PCDH11Y: variants seen among roughly 807,000 people sequenced by gnomAD.
The protein encoded by PCDH11Y is protocadherin 11 Y-linked, also known as protocadherin-11 Y-linked.
For missense variants in PCDH11Y, 12 were observed against 224.8 expected (o/e 0.05, Z 6.05); for synonymous variants, 9 against 83.6 (o/e 0.11, Z 4.87).
chrY:5,354,966 T>G, intron 2 of PCDH11Y, among the ~76,000 whole-genome samples: 2 of 32,385 alleles, frequency 6.2e-5, no homozygotes, highest in Non-Finnish European at 1.5e-4. Flanking sequence ...TAAAAAAAAT[T>G]TATTATTGAG....
chrY:5,409,768 A>G, intron 2 of PCDH11Y, among the ~76,000 whole-genome samples: 1 of 33,145 alleles, frequency 3.0e-5, no homozygotes, highest in African/African-American at 1.2e-4. Context: ...AATCTGTATG[A>G]ATTTTGTTTC....
intron 1 of PCDH11Y, among the ~76,000 whole-genome samples, chrY:5,015,827 T>A: frequency 1.9e-4 from 6 of 31,333 alleles, no homozygotes; most frequent in Admixed American, 1.8e-3. Context: ...GGGAGGGACC[T>A]GGTTGGGGAT....
At chrY:5,249,367 C>T in intron 2 of PCDH11Y, among the ~76,000 whole-genome samples, 1 of 31,749 alleles carries the variant, frequency 3.1e-5, no homozygotes, top group Non-Finnish European at 7.7e-5. Context: ...TACAAGGCTA[C>T]AATAAGCAAA....
chrY:5,615,645 AG>A (rs2053492946), intron 4 of PCDH11Y, among the ~76,000 whole-genome samples: 52 of 33,311 alleles, frequency 1.6e-3, no homozygotes, highest in Admixed American at 3.9e-3. Flanking sequence ...TAATCATTGG[AG>A]GAAAAGTAAC....
intron 2 of PCDH11Y, among the ~76,000 whole-genome samples, chrY:5,255,675 A>G (rs2053009897): frequency 3.0e-5 from 1 of 33,314 alleles, no homozygotes; most frequent in Non-Finnish European, 7.4e-5. Flanking sequence ...AGGGTACAAG[A>G]GTTCCCTATA....
At chrY:5,013,189 A>G (rs1602836431) in intron 1 of PCDH11Y, among the ~76,000 whole-genome samples, 4 of 33,288 alleles carry the variant, frequency 1.2e-4, no homozygotes, top group East Asian at 7.8e-4. Flanking sequence ...TGGCATTAAA[A>G]TAAAAAATCA....
intron 2 of PCDH11Y, among the ~76,000 whole-genome samples, chrY:5,171,795 G>T (rs2124645638): frequency 3.0e-4 from 10 of 33,527 alleles, no homozygotes; most frequent in Admixed American, 5.5e-4. Flanking sequence ...AAGAATTTGT[G>T]TTTAAATAAT....
chrY:5,420,264 A>T, intron 2 of PCDH11Y, among the ~76,000 whole-genome samples: 1 of 31,250 alleles, frequency 3.2e-5, no homozygotes, highest in Non-Finnish European at 7.7e-5. Context: ...AAGTACACTT[A>T]GAACACTCTC....
intron 3 of PCDH11Y, among the ~76,000 whole-genome samples, chrY:5,562,763 G>A: frequency 6.0e-4 from 5 of 8,395 alleles, no homozygotes; most frequent in African/African-American, 1.1e-3. Context: ...GCGAGACTCC[G>A]TCTCAAAAAA....
chrY:5,044,615 T>C (rs2124625075), intron 3 of PCDH11Y, among the ~76,000 whole-genome samples: 1 of 33,028 alleles, frequency 3.0e-5, no homozygotes, highest in Admixed American at 2.8e-4. Context: ...GTTCTGTAGA[T>C]GTCTATTAGG....
chrY:5,041,099 ATTTTTATTTTTAT>A (rs2052607581), intron 3 of PCDH11Y, among the ~76,000 whole-genome samples: 2 of 15,553 alleles, frequency 1.3e-4, no homozygotes, highest in African/African-American at 5.0e-4. Context: ...TTTCATTTTT[ATTTTTATTTTTAT>A]TTTTTATTAT....
chrY:5,089,974 A>C (rs2052737972), intron 1 of PCDH11Y, among the ~76,000 whole-genome samples: 1 of 33,437 alleles, frequency 3.0e-5, no homozygotes, highest in African/African-American at 1.2e-4. Flanking sequence ...AAACACCTTC[A>C]TATGATCTTA....
At chrY:5,614,737 GT>G (rs2053491169) in intron 4 of PCDH11Y, among the ~76,000 whole-genome samples, 1 of 29,040 alleles carries the variant, frequency 3.4e-5, no homozygotes, top group Admixed American at 3.2e-4. Flanking sequence ...ATTTTAACGA[GT>G]TTATTGAGAA....
intron 1 of PCDH11Y, chrY:5,018,972 A>G (rs2052564814): frequency 2.9e-5 from 1 of 33,957 alleles, no homozygotes; most frequent in African/African-American, 1.1e-4. Context: ...AGGAAACAGC[A>G]TGGTAGAAAT....
At chrY:5,105,627 CAAAAAAA>C (rs747117786), downstream of PCDH11Y, among the ~76,000 whole-genome samples, 1 of 4,403 alleles carries the variant, frequency 2.3e-4, no homozygotes, top group East Asian at 5.3e-3. Context: ...GACTCCGTCT[CAAAAAAA>C]AAAAAAAAAA....
At chrY:5,733,843 G>A (rs2053607506) in intron 4 of PCDH11Y, among the ~76,000 whole-genome samples, 1 of 33,423 alleles carries the variant, frequency 3.0e-5, no homozygotes, top group Non-Finnish European at 7.4e-5. Flanking sequence ...GTCAGAGAGC[G>A]AGTGCTCCAC....
intron 1 of PCDH11Y, among the ~76,000 whole-genome samples, chrY:5,060,714 C>T: frequency 1.4e-4 from 4 of 28,806 alleles, no homozygotes; most frequent in African/African-American, 5.5e-4. Flanking sequence ...TGATACAAAA[C>T]GAAAAGAGTG....
chrY:5,737,795 T>C, exon 5 of PCDH11Y: 1 of 399,207 alleles, frequency 2.5e-6, no homozygotes, highest in Non-Finnish European at 3.5e-6. Context: ...TGCAAGGTAG[T>C]GCAACATCTC....
intron 1 of PCDH11Y, among the ~76,000 whole-genome samples, chrY:5,025,096 C>A (rs2052576769): frequency 3.0e-5 from 1 of 32,831 alleles, no homozygotes; most frequent in South Asian, 6.6e-4. Context: ...ACGGAAGTCA[C>A]AATAACAGTG....
Sources: allele counts gnomAD v4.1 joint callset (sites outside exome capture counted in the v4.1 genomes callset), GRCh38; gene constraint gnomAD v4.1.1; transcripts MANE v1.5; gene names NCBI Gene and HGNC (gene_info 2026-07-23, HGNC 2026-07-21).